BSCL2: variants seen among roughly 807,000 people sequenced by gnomAD.
The protein encoded by BSCL2 is BSCL2 lipid droplet biogenesis associated, seipin, also known as seipin.
In BSCL2, 41 loss-of-function variants were observed where a neutral mutation model predicts 57.4. The ratio of observed to expected loss-of-function variants is 0.71; its 90% CI spans 0.56 to 0.93. BSCL2 has a LOEUF of 0.93. BSCL2 is among the 40% of genes least tolerant of loss of function. The pLI is 0.00. For synonymous variants in BSCL2, 237 were observed against 227.3 expected (o/e 1.04, Z -0.38); for missense variants, 539 against 586.7 (o/e 0.92, Z 0.84).
At chr11:62,706,649 G>T in intron 1 of BSCL2, 1 of 474,718 alleles carries the variant, frequency 2.1e-6, no homozygotes, top group South Asian at 1.5e-5. Flanking sequence ...AAGCGGCCGA[G>T]TGAGGCGGTC....
Position 62,705,293 on chromosome 11 carries a change from C to T in BSCL2, c.404+8G>A. On this transcript the variant is annotated splice_region_variant and intron_variant, in intron 2 of 10. Transcript: ENST00000360796. ...GAGTCCTCTATTTTGATAGAAGGCC[C>T]CTCTCACCTGTAGTAGAAATGCACA... 1 of 1,603,860 alleles carries T rather than the reference C, an allele frequency of 6.2e-7. No homozygotes were observed. Among genetic ancestry groups the T allele is most frequent in the South Asian group, 1.1e-5 (1 of 89,752 alleles).
At position 62,690,285 on chromosome 11, in the gene BSCL2, C is replaced by A. The variant is rs1209589243; in HGVS notation, c.*82G>T. The A allele has an allele frequency of 3.2e-5, 51 of 1,595,896 alleles. No homozygotes were observed. Among genetic ancestry groups the A allele is most frequent in the Non-Finnish European group, 4.2e-5 (49 of 1,166,302 alleles). ...TTCAGAGTCAAGGAAGAAGCTGACA[C>A]AAAATAGTTTATTGAAGGAAAAACG... On this transcript the variant is annotated 3_prime_UTR_variant, in exon 11 of 11. Transcript: ENST00000360796.
chr11:62,690,623 T>A lies in BSCL2; in HGVS notation c.1223A>T (p.Glu408Val), dbSNP rs2134689264. Residue 408 changes from glutamate (E) to valine (V), a missense_variant, in exon 10 of 11, where the codon GAG becomes GTG. Around this residue, in one of 3 missense-constraint regions of BSCL2, gnomAD observed 248 missense variants for 239.9 expected, o/e 1.03. Transcript: ENST00000360796. ...AGGATGCCCCTCACCATCACTGGCC[T>A]CAGGCTCTAGCTCCTCTTCTCCGCT... is the stretch of plus-strand genomic sequence containing the variant. Reference protein sequence around the residue: ...PLSGEEELEPEASDGSGSWED... With the variant: ...PLSGEEELEPVASDGSGSWED... 6.2e-7 allele frequency: 1 copy of A among 1,614,032 alleles called. No homozygotes were observed. The highest frequency in any genetic ancestry group is 1.3e-5 in the African/African-American group (1 of 75,072).
rs1414631845 is a variant in BSCL2 at position 62,705,504 on chromosome 11, G to A, written c.201C>T (p.Asn67=). The change falls in exon 2 of 11, where the codon AAC becomes AAT. Residue 67 remains asparagine (N), a synonymous_variant. Transcript: ENST00000360796. ...ACAGTAAGGCAGGTACTGGAGGGTCGTTGACCATGGCCGGGAGAGCAGGGT... is the reference window on the plus strand; with the variant it reads ...ACAGTAAGGCAGGTACTGGAGGGTCATTGACCATGGCCGGGAGAGCAGGGT... ...ARHPALPAMV[N]DPPVPALLWA... The A allele has an allele frequency of 1.9e-6, 3 of 1,614,106 alleles. No homozygotes were observed. The highest frequency in any genetic ancestry group is 2.5e-6 in the Non-Finnish European group (3 of 1,179,978).
At chr11:62,709,494 T>C (rs966312833), upstream of BSCL2, 4 of 453,850 alleles carry the variant, frequency 8.8e-6, no homozygotes, top group South Asian at 1.6e-5. Flanking sequence ...AGTGCAGTCG[T>C]ACAGCAGAGG....
intron 3 of BSCL2, among the ~76,000 whole-genome samples, chr11:62,700,599 C>A (rs1945609393): frequency 6.6e-6 from 1 of 152,170 alleles, no homozygotes; most frequent in Non-Finnish European, 1.5e-5. Context: ...CAAGATCGTG[C>A]CATTGCACTG....
upstream of BSCL2, chr11:62,708,619 G>A: frequency 6.3e-7 from 1 of 1,598,862 alleles, no homozygotes; most frequent in Non-Finnish European, 8.5e-7. Flanking sequence ...TTTGGGGAGG[G>A]AGGCTGCAGT....
chr11:62,708,324 CTA>C, upstream of BSCL2: 2 of 1,613,254 alleles, frequency 1.2e-6, no homozygotes, highest in Non-Finnish European at 1.7e-6. Context: ...GTGAACAGCA[CTA>C]TGAGTATTGG....
At chr11:62,706,204 T>G in intron 1 of BSCL2, 1 of 1,063,414 alleles carries the variant, frequency 9.4e-7, no homozygotes, top group South Asian at 2.7e-5. Flanking sequence ...AGCCCCTACC[T>G]AATCGTGCAA....
chr11:62,691,825 C>T (rs1055704312), intron 6 of BSCL2, among the ~76,000 whole-genome samples: 23 of 152,028 alleles, frequency 1.5e-4, no homozygotes, highest in African/African-American at 4.8e-4. Flanking sequence ...CCAAGGTGGA[C>T]GGATCACAAG....
upstream of BSCL2, chr11:62,707,507 G>A (rs2083562533): frequency 1.7e-5 from 11 of 631,776 alleles, no homozygotes; most frequent in South Asian, 8.9e-5. Flanking sequence ...AGGGGGAGTC[G>A]GCCTTGGCCT....
rs150158560 is a variant in BSCL2, at chr11:62,694,568, C to G, written c.630G>C (p.Ser210=). The change falls in exon 4 of 11, where the codon TCG becomes TCC. Residue 210 remains serine, a splice_region_variant and synonymous_variant. Transcript: ENST00000360796. ...GGRIISTSSR[S]VMLHYRSDLL... ...TCTCAGACAGGCCACCAACACTTAC[C>G]GAACGCGAAGAAGTGGAGATGATTC... The G allele has an allele frequency of 1.9e-5, 30 of 1,613,948 alleles. No individual in the cohort carries two copies. In the East Asian group the frequency reaches 6.7e-4, roughly 36 times the overall value.
rs767589914 is a variant in BSCL2, at chr11:62,705,512, T to C, written c.193A>G (p.Met65Val). The C allele has an allele frequency of 6.2e-7, 1 of 1,613,836 alleles. No individual in the cohort carries two copies. The highest frequency in any genetic ancestry group is 8.5e-7 in the Non-Finnish European group (1 of 1,179,770). ...GCAGGTACTGGAGGGTCGTTGACCATGGCCGGGAGAGCAGGGTGTCTGGCC... is the reference window on the plus strand; with the variant it reads ...GCAGGTACTGGAGGGTCGTTGACCACGGCCGGGAGAGCAGGGTGTCTGGCC... ...PGARHPALPA[M>V]VNDPPVPALL... The change falls in exon 2 of 11, where the codon ATG becomes GTG. Residue 65 changes from methionine to valine, a missense_variant. This residue lies in a region of BSCL2 where 218 missense variants were observed against 224.8 expected (regional missense o/e 0.97). Coordinates refer to ENST00000360796, the MANE Select transcript of BSCL2 (RefSeq NM_001122955.4).
chr11:62,690,993 T>C (rs1945294282), intron 8 of BSCL2, 82 bp downstream of exon 8: 3 of 1,585,640 alleles, frequency 1.9e-6, no homozygotes, highest in Admixed American at 1.7e-5. Context: ...CTAAGCCTCA[T>C]ACTGGATGAA....
At chr11:62,695,851 C>CT (rs1439183079) in intron 3 of BSCL2, among the ~76,000 whole-genome samples, 3 of 151,708 alleles carry the variant, frequency 2.0e-5, no homozygotes, top group African/African-American at 4.8e-5. Flanking sequence ...TGATAGGGGC[C>CT]TTTTTTTGTA....
intron 3 of BSCL2, among the ~76,000 whole-genome samples, chr11:62,695,060 G>GC (rs1945416277): frequency 6.6e-6 from 1 of 152,158 alleles, no homozygotes; most frequent in Non-Finnish European, 1.5e-5. Context: ...TGTCCCCAGG[G>GC]CCCAGCCTGT....
chr11:62,703,150 CAAA>C (rs35672317), intron 2 of BSCL2, among the ~76,000 whole-genome samples: 15 of 138,986 alleles, frequency 1.1e-4, no homozygotes, highest in East Asian at 2.1e-4. Flanking sequence ...AACTCCATCT[CAAA>C]AAAAAAAAAA....
At chr11:62,708,874 G>A (rs2083586631), upstream of BSCL2, 1 of 1,239,980 alleles carries the variant, frequency 8.1e-7, no homozygotes. Flanking sequence ...GTCAGTAATT[G>A]TTGTGAGCCC....
chr11:62,692,616 A>G (rs1945343524), intron 5 of BSCL2, 47 bp downstream of exon 5: 1 of 1,613,316 alleles, frequency 6.2e-7, no homozygotes, highest in Admixed American at 1.7e-5. Context: ...TCCTGGGCTA[A>G]TGGGAGGGGC....
Sources: allele counts gnomAD v4.1 joint callset (sites outside exome capture counted in the v4.1 genomes callset), GRCh38; gene constraint gnomAD v4.1.1; regional missense constraint gnomAD v4.1.1; transcripts MANE v1.5; gene names NCBI Gene and HGNC (gene_info 2026-07-23, HGNC 2026-07-21).